The following C10orf88 variants were observed in gnomAD, a reference collection of about 807,000 sequenced individuals.
The protein encoded by C10orf88 is chromosome 10 open reading frame 88, also known as ATPase PAAT.
A neutral mutation model predicts 34.2 loss-of-function variants in C10orf88; 29 were observed. That is an observed-to-expected ratio of 0.85 (90% CI 0.63 to 1.16). C10orf88 has a LOEUF of 1.16. Ranked by LOEUF, C10orf88 falls within the 50% of genes most tolerant of loss-of-function variation. The pLI is 0.00. For synonymous variants in C10orf88, 194 were observed against 197.4 expected, an observed-to-expected ratio of 0.98 and a Z score of 0.15; for missense variants, 507 against 533.2, an observed-to-expected ratio of 0.95 and a Z score of 0.48.
intron 3 of C10orf88, 73 bp from the exon 4 acceptor site, chr10:122,948,928 G>T: frequency 7.5e-7 from 1 of 1,327,438 alleles, no homozygotes; most frequent in Non-Finnish European, 1.0e-6. Flanking sequence ...TTCTTGGTAT[G>T]ACCTAAACAA....
Position 122,937,985 on chromosome 10 carries a change from A to G in C10orf88, c.823T>C (p.Tyr275His). 1 of 1,613,350 alleles carries G rather than the reference A, an allele frequency of 6.2e-7. No homozygotes were observed. The highest frequency in any genetic ancestry group is 8.5e-7 in the Non-Finnish European group (1 of 1,179,514). The change falls in exon 5 of 6, where the codon TAC becomes CAC. Residue 275 changes from tyrosine (Y) to histidine (H), a missense_variant. Physicochemically the swap from Tyr to His is moderately conservative, Grantham distance 83. Coordinates refer to ENST00000481909, the MANE Select transcript of C10orf88 (RefSeq NM_024942.4). ...GGCAGTTGTGTACTTTTATCAATGT[A>G]AGTTTGTAAGTTTTCAGTCACGTTC... The part of the protein sequence containing the change: ...SGNVTENLQT[Y>H]IDKSTQLPGG...
chr10:122,943,135 T>A (rs1316705160), intron 4 of C10orf88, among the ~76,000 whole-genome samples: 1 of 150,390 alleles, frequency 6.6e-6, no homozygotes, highest in African/African-American at 2.5e-5. Flanking sequence ...ACTACAAGGC[T>A]ACAGTAACCA....
chr10:122,952,733 T>C (rs1848702282), intron 2 of C10orf88, 96 bp downstream of exon 2: 2 of 1,423,710 alleles, frequency 1.4e-6, no homozygotes, highest in African/African-American at 1.4e-5. Flanking sequence ...CCATAACATA[T>C]GGTATCAATA....
At position 122,932,576 on chromosome 10, in the gene C10orf88, T is replaced by A; in HGVS notation, c.1189A>T (p.Ile397Phe). ...ELMEKKLMDYIDQRIHELQEH... is the reference protein window; with the variant it reads ...ELMEKKLMDYFDQRIHELQEH... ...TGGAGTTCATGTATTCGCTGATCAA[T>A]GTAATCCATAAGTTTCTTTTCCATC... The change falls in exon 6 of 6, where the codon ATT (isoleucine) becomes TTT (phenylalanine). Residue 397 changes from isoleucine (I) to phenylalanine (F), a missense_variant. Ile to Phe is a conservative substitution (Grantham distance 21). Transcript: ENST00000481909. 1 of 1,613,982 alleles carries A rather than the reference T, an allele frequency of 6.2e-7. No individual in the cohort carries two copies. The highest frequency in any genetic ancestry group is 8.5e-7 in the Non-Finnish European group (1 of 1,179,952).
At chr10:122,948,960 A>G (rs2133335956) in intron 3 of C10orf88, 105 bp from the exon 4 acceptor site, 1 of 1,002,522 alleles carries the variant, frequency 1.0e-6, no homozygotes, top group Admixed American at 2.9e-5. Flanking sequence ...TCAAGAATCT[A>G]AAAATTAACT....
At chr10:122,942,806 C>T (rs1228446511) in intron 4 of C10orf88, among the ~76,000 whole-genome samples, 1 of 151,040 alleles carries the variant, frequency 6.6e-6, no homozygotes, top group African/African-American at 2.4e-5. Context: ...ACCTAGGAAT[C>T]CAGCTTACAA....
At chr10:122,942,807 C>T (rs1351784471) in intron 4 of C10orf88, among the ~76,000 whole-genome samples, 9 of 151,006 alleles carry the variant, frequency 6.0e-5, no homozygotes, top group African/African-American at 2.2e-4. Flanking sequence ...CCTAGGAATC[C>T]AGCTTACAAG....
chr10:122,933,789 CTA>C (rs1304638316), intron 5 of C10orf88, among the ~76,000 whole-genome samples: 1 of 152,114 alleles, frequency 6.6e-6, no homozygotes, highest in East Asian at 1.9e-4. Flanking sequence ...ACTATACATG[CTA>C]TAATTCAATA....
At chr10:122,939,291 G>C (rs990442469) in intron 4 of C10orf88, among the ~76,000 whole-genome samples, 1 of 150,692 alleles carries the variant, frequency 6.6e-6, no homozygotes, top group African/African-American at 2.4e-5. Context: ...GAAGGAAAAA[G>C]GGGAAAGAAA....
intron 5 of C10orf88, among the ~76,000 whole-genome samples, chr10:122,937,323 G>A (rs1848542484): frequency 6.6e-6 from 1 of 151,842 alleles, no homozygotes; most frequent in Admixed American, 6.6e-5. Flanking sequence ...AATCTTCAAG[G>A]AAAATGTCAC....
rs146772739 is a variant in C10orf88 at position 122,937,818 on chromosome 10, C to A, written c.990G>T (p.Glu330Asp). The change falls in exon 5 of 6, where the codon GAG (glutamate) becomes GAT (aspartate). Residue 330 changes from glutamate to aspartate, a missense_variant. By Grantham distance (45) the Glu-to-Asp change is conservative. Transcript: ENST00000481909. ...VSDNSNIPNS[E>D]LLPFLQNLCS... Reference sequence around the variant, plus strand: ...ATAAATTCTGGAGAAAAGGCAGCAACTCGGAGTTGGGTATATTTGAGTTGT... The same window carrying A: ...ATAAATTCTGGAGAAAAGGCAGCAAATCGGAGTTGGGTATATTTGAGTTGT... 3.2e-5 allele frequency: 52 copies of A among 1,613,170 alleles called. No homozygotes were observed. In the African/African-American group the frequency reaches 5.9e-4, roughly 18 times the overall value.
In C10orf88 at chr10:122,948,768, A is replaced by G; in HGVS notation, c.529T>C (p.Ser177Pro). 1 of 1,613,964 alleles carries G rather than the reference A, an allele frequency of 6.2e-7. No homozygotes were observed. The highest frequency in any genetic ancestry group is 8.5e-7 in the Non-Finnish European group (1 of 1,179,896). The change falls in exon 4 of 6, where the codon TCT (serine) becomes CCT (proline). Residue 177 changes from serine to proline, a missense_variant. Ser to Pro is a moderately conservative substitution (Grantham distance 74). Coordinates refer to ENST00000481909, the MANE Select transcript of C10orf88 (RefSeq NM_024942.4). ...TCTATCCTTGATCCTAGAGCAGGAG[A>G]GCTTGTTGAAGAATTTGCAAAAACT... The part of the protein sequence containing the change: ...RSVFANSSTS[S>P]PALGSRIDLD...
intron 4 of C10orf88, among the ~76,000 whole-genome samples, chr10:122,947,356 T>C (rs1306556480): frequency 6.6e-6 from 1 of 152,210 alleles, no homozygotes; most frequent in Non-Finnish European, 1.5e-5. Flanking sequence ...TTCACATCAA[T>C]TCTGTGATCC....
chr10:122,952,469 C>T (rs760228815), intron 2 of C10orf88, among the ~76,000 whole-genome samples: 1 of 152,222 alleles, frequency 6.6e-6, no homozygotes, highest in African/African-American at 2.4e-5. Context: ...AAAATGTATT[C>T]AAAGTTCCAG....
chr10:122,947,056 A>G (rs945165076), intron 4 of C10orf88, among the ~76,000 whole-genome samples: 15 of 152,116 alleles, frequency 9.9e-5, no homozygotes, highest in Admixed American at 9.2e-4. Context: ...GAAGGATGAG[A>G]TCCAATTATC....
At chr10:122,953,956 C>A in intron 1 of C10orf88, 59 bp downstream of exon 1, 1 of 1,457,046 alleles carries the variant, frequency 6.9e-7, no homozygotes. Context: ...CCTCACAGCT[C>A]CCCTAGAAGC....
intron 4 of C10orf88, among the ~76,000 whole-genome samples, chr10:122,941,134 G>T (rs1291286348): frequency 6.6e-6 from 1 of 151,958 alleles, no homozygotes; most frequent in Non-Finnish European, 1.5e-5. Context: ...AAAAGCAAGA[G>T]TATAACTCCT....
At chr10:122,935,797 TGTCA>T (rs1224880508) in intron 5 of C10orf88, among the ~76,000 whole-genome samples, 3 of 151,840 alleles carry the variant, frequency 2.0e-5, no homozygotes, top group Non-Finnish European at 2.9e-5. Context: ...TCTTTTCCTT[TGTCA>T]GTATTTTATA....
intron 5 of C10orf88, among the ~76,000 whole-genome samples, chr10:122,934,779 A>G (rs1481758067): frequency 6.6e-6 from 1 of 152,126 alleles, no homozygotes; most frequent in Admixed American, 6.5e-5. Context: ...CCTACCAACA[A>G]TGTATGAGAG....
Sources: gnomAD v4.1 joint callset for allele counts (sites outside exome capture counted in the v4.1 genomes callset) on GRCh38, gnomAD v4.1.1 for gene constraint, MANE v1.5 for transcripts, NCBI Gene and HGNC (gene_info 2026-07-23, HGNC 2026-07-21) for gene names.